The following KIAA1671 variants were observed in gnomAD, a reference collection of about 807,000 sequenced individuals.
KIAA1671 encodes uncharacterized protein KIAA1671.
In KIAA1671, 52 loss-of-function variants were observed where a neutral mutation model predicts 131.2. The ratio of observed to expected loss-of-function variants is 0.40; its 90% CI spans 0.32 to 0.50. The LOEUF (loss-of-function observed/expected upper bound fraction) is 0.50. Ranked by LOEUF, KIAA1671 falls within the 20% of genes least tolerant of loss-of-function variation. KIAA1671 has a pLI of 0.73. For synonymous variants in KIAA1671, 1,003 were observed against 961.6 expected, an observed-to-expected ratio of 1.04 and a Z score of -0.80; for missense variants, 2,360 against 2,364.2, an observed-to-expected ratio of 1.00 and a Z score of 0.04.
intron 1 of KIAA1671, among the ~76,000 whole-genome samples, chr22:24,971,248 G>A (rs781024067): frequency 5.9e-5 from 9 of 152,184 alleles, no homozygotes; most frequent in South Asian, 2.1e-4. Context: ...GAGCCACCAC[G>A]CCTAGCCAGC....
chr22:25,116,066 G>A (rs1352898021), intron 6 of KIAA1671, among the ~76,000 whole-genome samples: 1 of 152,076 alleles, frequency 6.6e-6, no homozygotes, highest in Non-Finnish European at 1.5e-5. Context: ...ATGAGCCACT[G>A]TGCCCAGCCT....
chr22:25,128,330 A>G (rs1932276196), intron 6 of KIAA1671, among the ~76,000 whole-genome samples: 1 of 152,220 alleles, frequency 6.6e-6, no homozygotes, highest in South Asian at 2.1e-4. Flanking sequence ...TGATGGATGA[A>G]TACATGAATG....
chr22:25,125,964 C>T (rs1932164859), intron 6 of KIAA1671, among the ~76,000 whole-genome samples: 1 of 152,214 alleles, frequency 6.6e-6, no homozygotes, highest in Admixed American at 6.5e-5. Flanking sequence ...AAGCGTTTTT[C>T]TTTTGCTACA....
intron 6 of KIAA1671, among the ~76,000 whole-genome samples, chr22:25,106,345 C>G (rs1601319614): frequency 6.6e-6 from 1 of 152,142 alleles, no homozygotes; most frequent in Non-Finnish European, 1.5e-5. Flanking sequence ...CTGGACATAG[C>G]CTTCAGTAAG....
chr22:25,021,911 C>G (rs955983754), intron 1 of KIAA1671, among the ~76,000 whole-genome samples: 11 of 152,088 alleles, frequency 7.2e-5, no homozygotes, highest in African/African-American at 2.7e-4. Context: ...CTCAGCCTCC[C>G]GAGTAGCTGA....
At chr22:25,136,913 A>G (rs1177524961) in intron 6 of KIAA1671, among the ~76,000 whole-genome samples, 1 of 152,242 alleles carries the variant, frequency 6.6e-6, no homozygotes, top group Non-Finnish European at 1.5e-5. Flanking sequence ...TGAGGCATTC[A>G]GAATGATACG....
intron 6 of KIAA1671, among the ~76,000 whole-genome samples, chr22:25,078,461 C>G (rs924158861): frequency 6.6e-6 from 1 of 152,094 alleles, no homozygotes; most frequent in African/African-American, 2.4e-5. Flanking sequence ...CCCAAGAGTT[C>G]GAGGCTGCAG....
At chr22:24,982,610 T>A (rs988417371) in intron 1 of KIAA1671, among the ~76,000 whole-genome samples, 1 of 152,174 alleles carries the variant, frequency 6.6e-6, no homozygotes, top group Non-Finnish European at 1.5e-5. Context: ...TCACTGGCAT[T>A]TGCCCTGTGG....
At chr22:25,056,022 AT>A (rs1416520447) in intron 6 of KIAA1671, 2,262 of 133,528 alleles carry the variant, frequency 0.017, 72 homozygotes, top group African/African-American at 0.036. Flanking sequence ...TGCCCAGCTA[AT>A]TTTTTTTTTT....
At chr22:25,093,746 C>CTCTCTCTT (rs1930181602) in intron 6 of KIAA1671, among the ~76,000 whole-genome samples, 2 of 121,342 alleles carry the variant, frequency 1.6e-5, no homozygotes, top group Non-Finnish European at 1.7e-5. Context: ...CACTCTCTCT[C>CTCTCTCTT]TCTCTCTCTC....
intron 6 of KIAA1671, among the ~76,000 whole-genome samples, chr22:25,094,660 C>T (rs1427013951): frequency 6.6e-6 from 1 of 152,116 alleles, no homozygotes; most frequent in African/African-American, 2.4e-5. Flanking sequence ...GATTAAAGCT[C>T]CAGACAGCGT....
At chr22:25,179,540 A>G in intron 9 of KIAA1671, 1 of 1,594,376 alleles carries the variant, frequency 6.3e-7, no homozygotes, top group African/African-American at 1.3e-5. Flanking sequence ...CTGCTTCAGC[A>G]CCTGCGCCTC....
rs1933329725 is a variant in KIAA1671, at chr22:25,158,719, C to T, written c.4531-12101C>T. On this transcript the variant is annotated intron_variant, in intron 6 of 12. Coordinates refer to ENST00000358431, the MANE Select transcript of KIAA1671 (RefSeq NM_001145206.2). ...ACCTGGGTTTGAATGGAGCTCCTTCCTCTCTGTGCCTCGGTCTTCTCATGC... is the reference window on the plus strand; with the variant it reads ...ACCTGGGTTTGAATGGAGCTCCTTCTTCTCTGTGCCTCGGTCTTCTCATGC... 2.0e-5 allele frequency among the ~76,000 whole-genome samples: 3 copies of T among 152,288 alleles called. No individual in the cohort carries two copies. The South Asian group carries it at 6.2e-4, about 32-fold the overall frequency.
chr22:25,108,224 C>T (rs1931129515), intron 6 of KIAA1671, among the ~76,000 whole-genome samples: 1 of 152,128 alleles, frequency 6.6e-6, no homozygotes, highest in Admixed American at 6.5e-5. Context: ...AGGTGTTTTA[C>T]TTTCTATTTT....
intron 6 of KIAA1671, among the ~76,000 whole-genome samples, chr22:25,070,921 C>G (rs903496739): frequency 2.6e-5 from 4 of 152,206 alleles, no homozygotes; most frequent in Admixed American, 2.6e-4. Flanking sequence ...GCTGTCTCCT[C>G]TGGATAACAG....
At chr22:25,031,653 C>T (rs1391161099) in intron 3 of KIAA1671, among the ~76,000 whole-genome samples, 5 of 152,206 alleles carry the variant, frequency 3.3e-5, no homozygotes, top group African/African-American at 1.2e-4. Flanking sequence ...TTTTTAAAAG[C>T]TTCCAAGTCG....
intron 1 of KIAA1671, among the ~76,000 whole-genome samples, chr22:25,022,053 C>A (rs1216416081): frequency 6.6e-6 from 1 of 151,938 alleles, no homozygotes; most frequent in Admixed American, 6.5e-5. Flanking sequence ...GGATTACAGG[C>A]CTGAGCCACC....
chr22:24,973,547 C>T (rs1922751411), intron 1 of KIAA1671, among the ~76,000 whole-genome samples: 1 of 151,722 alleles, frequency 6.6e-6, no homozygotes, highest in African/African-American at 2.4e-5. Flanking sequence ...GCATGTGCCA[C>T]CATGCCCGGC....
intron 1 of KIAA1671, among the ~76,000 whole-genome samples, chr22:24,997,038 C>G (rs1924175537): frequency 6.6e-6 from 1 of 152,204 alleles, no homozygotes; most frequent in Non-Finnish European, 1.5e-5. Context: ...CCATCCCATT[C>G]TTACCCTCCA....
Sources: allele counts gnomAD v4.1 joint callset (sites outside exome capture counted in the v4.1 genomes callset), GRCh38; gene constraint gnomAD v4.1.1; transcripts MANE v1.5; gene names NCBI Gene and HGNC (gene_info 2026-07-23, HGNC 2026-07-21).